Variants in KCND2 observed in about 807,000 individuals in gnomAD.
KCND2 encodes the protein A-type voltage-gated potassium channel KCND2.
KCND2 carries 16 observed loss-of-function variants against 54.4 expected under a neutral mutation model. That is an observed-to-expected ratio of 0.29 (90% CI 0.20 to 0.45). The LOEUF (loss-of-function observed/expected upper bound fraction) is 0.45, where lower values mean the gene tolerates loss of function less well. KCND2 is among the 20% of genes least tolerant of loss of function. KCND2 has a pLI of 1.00. For missense variants in KCND2, 486 were observed against 824.2 expected, an observed-to-expected ratio of 0.59 and a Z score of 5.02; for synonymous variants, 317 against 310.7, an observed-to-expected ratio of 1.02 and a Z score of -0.21.
intron 1 of KCND2, among the ~76,000 whole-genome samples, chr7:120,583,572 T>A (rs1228470093): frequency 6.6e-6 from 1 of 152,180 alleles, no homozygotes; most frequent in Non-Finnish European, 1.5e-5. Context: ...CTCTGGCTTA[T>A]AGATGGCGGT....
intron 1 of KCND2, among the ~76,000 whole-genome samples, chr7:120,697,779 T>C (rs1035647376): frequency 2.0e-5 from 3 of 152,108 alleles, no homozygotes; most frequent in African/African-American, 7.2e-5. Context: ...TAAAATATAA[T>C]TGGAAGGACC....
intron 1 of KCND2, among the ~76,000 whole-genome samples, chr7:120,392,505 T>G (rs73433815): frequency 0.039 from 5,922 of 151,930 alleles, 139 homozygotes; most frequent in African/African-American, 0.05. Context: ...ATTATCTTCT[T>G]CTAAGAATAA....
At chr7:120,564,223 G>A (rs1372075847) in intron 1 of KCND2, among the ~76,000 whole-genome samples, 1 of 152,110 alleles carries the variant, frequency 6.6e-6, no homozygotes, top group Admixed American at 6.6e-5. Context: ...AATTTTTGTA[G>A]TAATGATTCC....
In KCND2 at chr7:120,320,793, G is replaced by A. The variant is rs887675590; in HGVS notation, c.1115+45046G>A. 9.2e-5 allele frequency among the ~76,000 whole-genome samples: 14 copies of A among 152,242 alleles called. No homozygotes were observed. The East Asian group carries it at 2.3e-3, about 25-fold the overall frequency. ...GAGGAAGGGAGGTGATTGCTCTGTC[G>A]CTAACCTGGCTGATAGAGTCAGGGG... On this transcript the variant is annotated intron_variant, in intron 1 of 5. Transcript: ENST00000331113.
chr7:120,726,631 A>G (rs745881910), intron 1 of KCND2, among the ~76,000 whole-genome samples: 1 of 152,320 alleles, frequency 6.6e-6, no homozygotes, highest in South Asian at 2.1e-4. Context: ...CCGGGGCATT[A>G]TACACATTAC....
intron 1 of KCND2, among the ~76,000 whole-genome samples, chr7:120,513,530 C>T (rs1343888900): frequency 6.6e-6 from 1 of 152,052 alleles, no homozygotes; most frequent in African/African-American, 2.4e-5. Flanking sequence ...ATTTATTTCA[C>T]TAAAGTGATC....
chr7:120,302,346 G>T (rs1478995510), intron 1 of KCND2, among the ~76,000 whole-genome samples: 1 of 152,120 alleles, frequency 6.6e-6, no homozygotes, highest in Non-Finnish European at 1.5e-5. Flanking sequence ...TGCAACGTAC[G>T]CCTCTGAGGC....
At chr7:120,486,458 TTGATTGAAAATTAAGATAGGGG>T (rs993714577) in intron 1 of KCND2, among the ~76,000 whole-genome samples, 3 of 152,108 alleles carry the variant, frequency 2.0e-5, no homozygotes, top group African/African-American at 7.2e-5. Flanking sequence ...GTAAGGAAGA[TTGATTGAAAATTAAGATAGGGG>T]TTAGTTAGCC....
At chr7:120,630,190 A>T (rs933449588) in intron 1 of KCND2, among the ~76,000 whole-genome samples, 3 of 152,194 alleles carry the variant, frequency 2.0e-5, no homozygotes, top group African/African-American at 7.2e-5. Flanking sequence ...GTTTCATATT[A>T]ATGCACCAGA....
chr7:120,666,186 A>G (rs970634306), intron 1 of KCND2, among the ~76,000 whole-genome samples: 3 of 152,052 alleles, frequency 2.0e-5, no homozygotes, highest in African/African-American at 7.2e-5. Flanking sequence ...ACTGTTAGCC[A>G]TGATTCTAAG....
chr7:120,470,302 T>A (rs922601274), intron 1 of KCND2, among the ~76,000 whole-genome samples: 2 of 152,132 alleles, frequency 1.3e-5, no homozygotes, highest in African/African-American at 4.8e-5. Flanking sequence ...AAATGAGTTG[T>A]ACACCAATGA....
At chr7:120,456,869 G>T (rs539493866) in intron 1 of KCND2, among the ~76,000 whole-genome samples, 124 of 152,354 alleles carry the variant, frequency 8.1e-4, no homozygotes, top group African/African-American at 2.8e-3. Flanking sequence ...TGCCTTAGCA[G>T]AGGTTCTACA....
At chr7:120,443,348 T>TGATA (rs1801969452) in intron 1 of KCND2, among the ~76,000 whole-genome samples, 1 of 126,212 alleles carries the variant, frequency 7.9e-6, no homozygotes, top group African/African-American at 3.6e-5. Context: ...GAAATAACAA[T>TGATA]AATAAATAAT....
At chr7:120,723,748 A>T (rs1412918701) in intron 1 of KCND2, among the ~76,000 whole-genome samples, 2 of 152,166 alleles carry the variant, frequency 1.3e-5, no homozygotes, top group East Asian at 3.9e-4. Context: ...TTAAAATTAA[A>T]ATCAACAAAT....
At chr7:120,303,248 G>A (rs969932678) in intron 1 of KCND2, among the ~76,000 whole-genome samples, 5 of 152,156 alleles carry the variant, frequency 3.3e-5, no homozygotes, top group African/African-American at 1.2e-4. Flanking sequence ...AGAAAGAGTA[G>A]ATTATGAGTT....
At chr7:120,324,315 T>C (rs1799941260) in intron 1 of KCND2, among the ~76,000 whole-genome samples, 1 of 149,346 alleles carries the variant, frequency 6.7e-6, no homozygotes, top group Non-Finnish European at 1.5e-5. Context: ...TAGATCCCAT[T>C]TGTCAATTTT....
chr7:120,472,997 G>A (rs377326576), intron 1 of KCND2, among the ~76,000 whole-genome samples: 5 of 152,158 alleles, frequency 3.3e-5, no homozygotes, highest in African/African-American at 1.2e-4. Flanking sequence ...GGAGTTCACC[G>A]ATAGCAAGGA....
intron 1 of KCND2, among the ~76,000 whole-genome samples, chr7:120,669,535 C>G (rs1470938856): frequency 1.3e-5 from 2 of 152,058 alleles, no homozygotes; most frequent in African/African-American, 4.8e-5. Context: ...TAGGCTTCTC[C>G]ACAGGTAAGG....
At chr7:120,714,718 C>T (rs1394371600) in intron 1 of KCND2, among the ~76,000 whole-genome samples, 1 of 151,942 alleles carries the variant, frequency 6.6e-6, no homozygotes, top group African/African-American at 2.4e-5. Flanking sequence ...TCCTTCTTTT[C>T]TTGTTTTCAT....
Sources: allele counts gnomAD v4.1 joint callset (sites outside exome capture counted in the v4.1 genomes callset), GRCh38; gene constraint gnomAD v4.1.1; transcripts MANE v1.5; gene names NCBI Gene and HGNC (gene_info 2026-07-23, HGNC 2026-07-21).